NR2C2: variants seen among roughly 807,000 people sequenced by gnomAD.
NR2C2 encodes Nuclear hormone receptor TR4.
A neutral mutation model predicts 62.9 loss-of-function variants in NR2C2; 6 were observed. That is an observed-to-expected ratio of 0.10 (90% CI 0.05 to 0.19). The LOEUF (loss-of-function observed/expected upper bound fraction) is 0.19. NR2C2 is among the 10% of genes least tolerant of loss of function. NR2C2 has a pLI of 1.00. For synonymous variants in NR2C2, 272 were observed against 273.8 expected, an observed-to-expected ratio of 0.99 and a Z score of 0.07; for missense variants, 479 against 762.7, an observed-to-expected ratio of 0.63 and a Z score of 4.38.
chr3:15,028,427 A>G lies in NR2C2; in HGVS notation c.799-159A>G, dbSNP rs1284612660. ...AAATACCACCACACCAAGATACAGA[A>G]CTGTTAAATCACTAAAAAGATCTTC... On this transcript the variant is annotated intron_variant, in intron 7 of 13. Transcript: ENST00000425241. 2.0e-5 allele frequency among the ~76,000 whole-genome samples: 3 copies of G among 152,214 alleles called. No homozygotes were observed. In the East Asian group the frequency reaches 5.8e-4, roughly 29 times the overall value.
intron 1 of NR2C2, among the ~76,000 whole-genome samples, chr3:14,978,145 T>G (rs1454230121): frequency 2.0e-5 from 3 of 152,316 alleles, no homozygotes; most frequent in Non-Finnish European, 4.4e-5. Flanking sequence ...TCAGCTAGCT[T>G]GATTTTACTG....
At position 14,967,927 on chromosome 3, in the gene NR2C2, C is replaced by T. The variant is rs1574938667; in HGVS notation, c.-40+20021C>T. On this transcript the variant is annotated intron_variant, in intron 1 of 13. Coordinates refer to ENST00000425241, the MANE Select transcript of NR2C2 (RefSeq NM_001291694.2). ...TAATAAATGGTGCTGGGAAAACTGG[C>T]TAGCCATATGTAGAAAGCTGAAACT... Among the ~76,000 whole-genome samples, 5 of 152,230 alleles carry T rather than the reference C, an allele frequency of 3.3e-5. No homozygotes were observed. In the South Asian group the frequency reaches 1.0e-3, roughly 32 times the overall value.
rs746370304 is a variant in NR2C2, at chr3:15,024,123, GTCT to G, written c.718_720del (p.Leu240del). On this transcript the variant is annotated inframe_deletion, in exon 7 of 14. Transcript: ENST00000425241. ...CTTTATGTCTTAAATAGACAAACAG[GTCT>G]TCTTGATCCAGGGATGCTTGTGAAC... 2.5e-6 allele frequency: 4 copies of G among 1,611,810 alleles called. No individual in the cohort carries two copies. The highest frequency in any genetic ancestry group is 3.4e-6 in the Non-Finnish European group (4 of 1,178,602).
At chr3:14,996,360 A>G (rs975570495) in intron 1 of NR2C2, among the ~76,000 whole-genome samples, 4 of 152,172 alleles carry the variant, frequency 2.6e-5, no homozygotes, top group African/African-American at 7.2e-5. Flanking sequence ...AGCACATTGT[A>G]TCATGTGTAG....
intron 2 of NR2C2, among the ~76,000 whole-genome samples, chr3:15,006,487 G>T (rs960131431): frequency 2.0e-5 from 3 of 152,202 alleles, no homozygotes; most frequent in Admixed American, 6.5e-5. Context: ...TATGTGAGTG[G>T]GCAGGTGGGT....
intron 11 of NR2C2, 114 bp from the exon 12 acceptor site, chr3:15,037,886 G>C (rs1040308278): frequency 6.1e-6 from 7 of 1,156,554 alleles, no homozygotes; most frequent in Middle Eastern, 5.2e-4. Context: ...TGAGATTACT[G>C]ATTTTTCATT....
Position 15,032,383 on chromosome 3 carries a change from C to A in NR2C2, c.1115C>A (p.Thr372Lys). ...CATGTGCCTCCTCTTTTCCAGCTAA[C>A]AATGCCCAGTCCAATGCCAGAGTAC... ...LSDTHVTFKL[T>K]MPSPMPEYLN... Residue 372 changes from threonine (T) to lysine (K), a missense_variant, in exon 10 of 14, where the codon ACA becomes AAA. Around this residue, in one of 4 missense-constraint regions of NR2C2, gnomAD observed 162 missense variants for 296.8 expected, o/e 0.55. Transcript: ENST00000425241. The A allele has an allele frequency of 6.2e-7, 1 of 1,614,230 alleles. No homozygotes were observed. Among genetic ancestry groups the A allele is most frequent in the Non-Finnish European group, 8.5e-7 (1 of 1,180,030 alleles).
intron 1 of NR2C2, among the ~76,000 whole-genome samples, chr3:15,003,578 A>C (rs1190224894): frequency 6.6e-6 from 1 of 152,186 alleles, no homozygotes; most frequent in Non-Finnish European, 1.5e-5. Context: ...TCATCTTTAA[A>C]ATGTTGTTTT....
intron 4 of NR2C2, among the ~76,000 whole-genome samples, chr3:15,019,150 C>T (rs2041601114): frequency 6.6e-6 from 1 of 150,960 alleles, no homozygotes; most frequent in African/African-American, 2.4e-5. Flanking sequence ...CACTTGAACC[C>T]AGGAGGTGGA....
At chr3:15,008,675 G>A (rs1407350413) in intron 2 of NR2C2, among the ~76,000 whole-genome samples, 4 of 152,228 alleles carry the variant, frequency 2.6e-5, no homozygotes, top group Admixed American at 1.3e-4. Context: ...GAATGGTGGT[G>A]TATGAGATCA....
At chr3:14,965,803 A>G (rs1044550168) in intron 1 of NR2C2, among the ~76,000 whole-genome samples, 2 of 152,106 alleles carry the variant, frequency 1.3e-5, no homozygotes, top group Non-Finnish European at 2.9e-5. Flanking sequence ...AGCTGGGATT[A>G]CAGGCGTGGG....
At chr3:14,980,904 G>C (rs1289701569) in intron 1 of NR2C2, among the ~76,000 whole-genome samples, 1 of 152,166 alleles carries the variant, frequency 6.6e-6, no homozygotes, top group Admixed American at 6.5e-5. Context: ...TGTGTGACAC[G>C]GTTCCCTGTA....
chr3:15,008,884 C>T (rs534892795), intron 2 of NR2C2, among the ~76,000 whole-genome samples: 4 of 152,246 alleles, frequency 2.6e-5, no homozygotes, highest in African/African-American at 9.6e-5. Context: ...GATAGTGAAT[C>T]TAATAAAACC....
rs58878848 is a variant in NR2C2 at position 14,995,668 on chromosome 3, C to CGTGTGTGTGTGTGTGTGTGTGT, written c.-39-8205_-39-8184dup. On this transcript the variant is annotated intron_variant, in intron 1 of 13. Transcript: ENST00000425241. ...TTTTTCTGTGGACACGTTTTCATTA[C>CGTGTGTGTGTGTGTGTGTGTGT]GTGTGTGTGTGTGTGTGTGTGTGTA... Among the ~76,000 whole-genome samples the CGTGTGTGTGTGTGTGTGTGTGT allele has an allele frequency of 5.5e-3, 812 of 148,608 alleles. 6 individuals are homozygous for CGTGTGTGTGTGTGTGTGTGTGT. The highest frequency in any genetic ancestry group is 0.012 in the African/African-American group (492 of 40,176).
intron 13 of NR2C2, among the ~76,000 whole-genome samples, chr3:15,040,219 A>C (rs1418488760): frequency 6.6e-6 from 1 of 152,162 alleles, no homozygotes; most frequent in African/African-American, 2.4e-5. Flanking sequence ...TAGGCAGGAA[A>C]ATTGTTCAGA....
intron 1 of NR2C2, among the ~76,000 whole-genome samples, chr3:14,971,684 T>C (rs1011772504): frequency 1.4e-4 from 21 of 151,746 alleles, no homozygotes; most frequent in African/African-American, 5.1e-4. Context: ...GCTACCCTAA[T>C]GGATGTAAAG....
At chr3:15,032,549 T>G (rs1264420126) in intron 10 of NR2C2, 49 bp downstream of exon 10, 6 of 1,611,612 alleles carry the variant, frequency 3.7e-6, no homozygotes, top group Non-Finnish European at 5.1e-6. Context: ...AGCCTTCCTC[T>G]CCCTAGGAAT....
At chr3:14,973,398 A>T (rs560017147) in intron 1 of NR2C2, among the ~76,000 whole-genome samples, 8 of 138,846 alleles carry the variant, frequency 5.8e-5, no homozygotes, top group Admixed American at 6.9e-5. Flanking sequence ...AGGCTAATTT[A>T]AAAAAAAAAA....
intron 1 of NR2C2, among the ~76,000 whole-genome samples, chr3:14,962,930 G>A (rs2039729920): frequency 6.6e-6 from 1 of 152,196 alleles, no homozygotes; most frequent in Non-Finnish European, 1.5e-5. Context: ...GGGGGTGAAT[G>A]AGTCATGGGT....
Sources: gnomAD v4.1 joint callset for allele counts (sites outside exome capture counted in the v4.1 genomes callset) on GRCh38, gnomAD v4.1.1 for gene constraint, gnomAD v4.1.1 regional missense constraint, MANE v1.5 for transcripts, NCBI Gene and HGNC (gene_info 2026-07-23, HGNC 2026-07-21) for gene names.